The following CSMD3 variants were observed in gnomAD, a reference collection of about 807,000 sequenced individuals.
CSMD3 encodes CUB and sushi domain-containing protein 3.
CSMD3 carries 177 observed loss-of-function variants against 435.2 expected under a neutral mutation model. That is an observed-to-expected ratio of 0.41 (90% confidence interval 0.36 to 0.46). CSMD3 has a LOEUF of 0.46. Among genes scored for constraint, CSMD3 ranks in the 20% least tolerant of loss-of-function variants. The pLI is 0.34. For missense variants in CSMD3, 4,265 were observed against 4,504.6 expected (o/e 0.95, Z 1.52); for synonymous variants, 1,656 against 1,520.5 (o/e 1.09, Z -2.07).
intron 13 of CSMD3, among the ~76,000 whole-genome samples, chr8:112,734,278 GGAGA>G (rs1361236250): frequency 6.6e-6 from 1 of 151,080 alleles, no homozygotes; most frequent in Non-Finnish European, 1.5e-5. Flanking sequence ...AGAGAGGAAG[GGAGA>G]GAGAGAGAAA....
intron 56 of CSMD3, among the ~76,000 whole-genome samples, chr8:112,289,991 G>T (rs1346214998): frequency 6.6e-6 from 1 of 151,972 alleles, no homozygotes; most frequent in East Asian, 1.9e-4. Context: ...TACATGAAAA[G>T]AACTTGAGGG....
chr8:112,509,729 C>T (rs1048963610), intron 28 of CSMD3, among the ~76,000 whole-genome samples: 2 of 152,062 alleles, frequency 1.3e-5, no homozygotes, highest in African/African-American at 4.8e-5. Flanking sequence ...TGGTGATCTC[C>T]TAAGTTCCTT....
At chr8:112,317,297 T>A (rs554801821) in intron 47 of CSMD3, among the ~76,000 whole-genome samples, 113 of 152,132 alleles carry the variant, frequency 7.4e-4, no homozygotes, top group African/African-American at 2.6e-3. Context: ...TATCTGAATG[T>A]TATATTTACT....
At chr8:113,064,135 T>C (rs899337842) in intron 5 of CSMD3, among the ~76,000 whole-genome samples, 4 of 151,978 alleles carry the variant, frequency 2.6e-5, no homozygotes, top group African/African-American at 9.6e-5. Flanking sequence ...CTATTTATTA[T>C]AGTTACAATG....
chr8:113,302,311 A>T (rs1220374355), intron 2 of CSMD3, among the ~76,000 whole-genome samples: 1 of 140,018 alleles, frequency 7.1e-6, no homozygotes, highest in Non-Finnish European at 1.5e-5. Context: ...TATATATATT[A>T]TATATATAAT....
intron 12 of CSMD3, among the ~76,000 whole-genome samples, 158 bp from the exon 13 acceptor site, chr8:112,800,432 C>A (rs1250005531): frequency 6.6e-6 from 1 of 151,850 alleles, no homozygotes; most frequent in Non-Finnish European, 1.5e-5. Flanking sequence ...GAAAAAACTA[C>A]ACAATTTAGT....
At chr8:112,688,025 G>A (rs958485389) in intron 14 of CSMD3, among the ~76,000 whole-genome samples, 12 of 152,060 alleles carry the variant, frequency 7.9e-5, no homozygotes, top group African/African-American at 1.9e-4. Context: ...AAATGCTTTG[G>A]CTTTGCAAAC....
intron 6 of CSMD3, among the ~76,000 whole-genome samples, chr8:112,985,373 G>C (rs1411671882): frequency 6.6e-6 from 1 of 151,652 alleles, no homozygotes; most frequent in East Asian, 1.9e-4. Context: ...CGAAATAGTA[G>C]GCACCGAGAC....
chr8:113,290,873 T>C (rs2093681776), intron 2 of CSMD3, among the ~76,000 whole-genome samples: 2 of 151,410 alleles, frequency 1.3e-5, no homozygotes, highest in Non-Finnish European at 3.0e-5. Context: ...ATTGGAAAAA[T>C]GGTTAAAATT....
intron 32 of CSMD3, among the ~76,000 whole-genome samples, chr8:112,471,529 T>C (rs946310773): frequency 1.3e-5 from 2 of 152,162 alleles, no homozygotes; most frequent in Admixed American, 6.6e-5. Flanking sequence ...TCTATTTCAA[T>C]GTTAAAATAA....
chr8:112,672,783 G>A (rs1357740632), intron 16 of CSMD3, among the ~76,000 whole-genome samples: 2 of 152,070 alleles, frequency 1.3e-5, no homozygotes, highest in Non-Finnish European at 2.9e-5. Flanking sequence ...TAAATAATGT[G>A]AGTTTGAGTG....
intron 27 of CSMD3, among the ~76,000 whole-genome samples, chr8:112,536,718 G>A (rs10111153): frequency 0.28 from 38,610 of 139,112 alleles, 6,068 homozygotes; most frequent in East Asian, 0.45. Flanking sequence ...ACACACGCAT[G>A]CGTATGTTTA....
chr8:112,327,269 A>G (rs1023111290), intron 45 of CSMD3, among the ~76,000 whole-genome samples: 1 of 152,184 alleles, frequency 6.6e-6, no homozygotes, highest in African/African-American at 2.4e-5. Context: ...TTGGTTACTC[A>G]GGAAGAAAAT....
At chr8:112,521,085 G>A (rs1319142289) in intron 27 of CSMD3, among the ~76,000 whole-genome samples, 1 of 151,898 alleles carries the variant, frequency 6.6e-6, no homozygotes, top group Non-Finnish European at 1.5e-5. Context: ...TAGCACATTG[G>A]ATCATTCTCA....
intron 13 of CSMD3, among the ~76,000 whole-genome samples, chr8:112,778,763 C>G (rs2078307357): frequency 6.6e-6 from 1 of 151,896 alleles, no homozygotes; most frequent in South Asian, 2.1e-4. Context: ...ACCAAACTAT[C>G]TCTCAAAATG....
chr8:112,804,740 C>CT (rs1244178084), intron 12 of CSMD3, among the ~76,000 whole-genome samples: 1 of 151,758 alleles, frequency 6.6e-6, no homozygotes, highest in African/African-American at 2.4e-5. Context: ...TCTCGGCTCA[C>CT]TGCAACCTCC....
intron 13 of CSMD3, among the ~76,000 whole-genome samples, chr8:112,726,297 G>T (rs967361386): frequency 2.0e-5 from 3 of 151,908 alleles, no homozygotes; most frequent in African/African-American, 7.2e-5. Flanking sequence ...CATGCAGACT[G>T]CTACTTTCTG....
At chr8:113,057,562 C>T (rs1371559567) in intron 5 of CSMD3, among the ~76,000 whole-genome samples, 2 of 151,704 alleles carry the variant, frequency 1.3e-5, no homozygotes, top group Admixed American at 6.6e-5. Flanking sequence ...TAATTTTGGC[C>T]ATATTATTAT....
Position 112,472,673 on chromosome 8 carries a change from G to A in CSMD3, c.5313C>T (p.Gly1771=), listed in dbSNP as rs2130754440. 6.2e-7 allele frequency: 1 copy of A among 1,611,608 alleles called. No homozygotes were observed. Residue 1771 remains glycine (G), a synonymous_variant, in exon 32 of 71, where the codon GGC becomes GGT. Coordinates refer to ENST00000297405, the MANE Select transcript of CSMD3 (RefSeq NM_198123.2). ...TTGGATAGTTTGGTGATAGAACAGTGCCTTCTGAACCTGTTGAACGACTTC... is the reference window on the plus strand; with the variant it reads ...TTGGATAGTTTGGTGATAGAACAGTACCTTCTGAACCTGTTGAACGACTTC... The part of the protein sequence containing the change: ...PCGSRSTGSE[G]TVLSPNYPKN...
Sources: allele counts gnomAD v4.1 joint callset (sites outside exome capture counted in the v4.1 genomes callset), GRCh38; gene constraint gnomAD v4.1.1; transcripts MANE v1.5; gene names NCBI Gene and HGNC (gene_info 2026-07-23, HGNC 2026-07-21).